The following HTR1F variants were observed in gnomAD, a reference collection of about 807,000 sequenced individuals.
HTR1F encodes 5-hydroxytryptamine (serotonin) receptor 1F, G protein-coupled.
In HTR1F, 17 loss-of-function variants were observed where a neutral mutation model predicts 24.0. The observed-to-expected ratio is 0.71, with a 90% CI of 0.48 to 1.06. The LOEUF (loss-of-function observed/expected upper bound fraction) is 1.06, where lower values mean the gene tolerates loss of function less well. Ranked by LOEUF, HTR1F falls within the 50% of genes least tolerant of loss-of-function variation. The probability of loss-of-function intolerance (pLI) is 0.00; values close to 1 mark genes in which losing one functional copy is unlikely to be tolerated. For synonymous variants in HTR1F, 186 were observed against 156.8 expected, an observed-to-expected ratio of 1.19 and a Z score of -1.39; for missense variants, 391 against 427.8, an observed-to-expected ratio of 0.91 and a Z score of 0.76.
intron 2 of HTR1F, among the ~76,000 whole-genome samples, chr3:87,874,381 C>G (rs1179928114): frequency 6.6e-6 from 1 of 152,014 alleles, no homozygotes. Context: ...AGAAAACAGT[C>G]CCACTTACCA....
chr3:87,884,044 A>C (rs1252699339), intron 2 of HTR1F, among the ~76,000 whole-genome samples: 1 of 152,304 alleles, frequency 6.6e-6, no homozygotes, highest in Admixed American at 6.5e-5. Flanking sequence ...CATAATTTTC[A>C]GATTCACCAA....
At chr3:87,954,253 C>T (rs1048412873) in intron 2 of HTR1F, among the ~76,000 whole-genome samples, 4 of 151,756 alleles carry the variant, frequency 2.6e-5, no homozygotes, top group Non-Finnish European at 5.9e-5. Context: ...TCCTAAATCA[C>T]TTGACTTGAT....
chr3:87,873,077 GATAC>G (rs1457844576), intron 2 of HTR1F, among the ~76,000 whole-genome samples: 2 of 147,786 alleles, frequency 1.4e-5, no homozygotes, highest in Non-Finnish European at 3.0e-5. Flanking sequence ...ACAATGGATG[GATAC>G]ATACATGCAT....
intron 2 of HTR1F, among the ~76,000 whole-genome samples, chr3:87,850,244 G>A (rs1705052462): frequency 6.6e-6 from 1 of 151,948 alleles, no homozygotes; most frequent in Admixed American, 6.6e-5. Flanking sequence ...CTAAGAAAAT[G>A]TGGCACATAT....
intron 1 of HTR1F, among the ~76,000 whole-genome samples, chr3:87,819,722 G>C (rs868440857): frequency 1.4e-4 from 21 of 151,870 alleles, no homozygotes; most frequent in Admixed American, 6.6e-4. Flanking sequence ...AATATATAAG[G>C]TTATAAAGTT....
intron 2 of HTR1F, among the ~76,000 whole-genome samples, chr3:87,989,549 C>T (rs1482676973): frequency 1.3e-5 from 2 of 152,136 alleles, no homozygotes; most frequent in African/African-American, 2.4e-5. Context: ...TAAGGATATA[C>T]TAATTTTTTT....
chr3:87,931,335 G>T (rs1486142089), intron 2 of HTR1F, among the ~76,000 whole-genome samples: 6 of 152,060 alleles, frequency 3.9e-5, no homozygotes, highest in Non-Finnish European at 7.3e-5. Context: ...TACTTAGAAT[G>T]ATGATTTCCA....
chr3:87,840,222 CTTGT>C (rs923506225), intron 2 of HTR1F, among the ~76,000 whole-genome samples: 2 of 151,984 alleles, frequency 1.3e-5, no homozygotes, highest in Admixed American at 1.3e-4. Flanking sequence ...TGCTTGTTGA[CTTGT>C]TTAAGACCCT....
At chr3:87,841,194 ATAAT>A in intron 2 of HTR1F, among the ~76,000 whole-genome samples, 1 of 152,042 alleles carries the variant, frequency 6.6e-6, no homozygotes, top group South Asian at 2.1e-4. Flanking sequence ...CCATAAATAT[ATAAT>A]TATTTATCAA....
intron 2 of HTR1F, among the ~76,000 whole-genome samples, chr3:87,892,544 T>A (rs1371805763): frequency 6.6e-6 from 1 of 152,170 alleles, no homozygotes; most frequent in African/African-American, 2.4e-5. Context: ...AGTTTTCTCA[T>A]CTTGAACAAG....
At chr3:87,827,253 C>T (rs759918787) in intron 2 of HTR1F, among the ~76,000 whole-genome samples, 9 of 151,960 alleles carry the variant, frequency 5.9e-5, no homozygotes, top group African/African-American at 1.2e-4. Flanking sequence ...CCCCTCTCCC[C>T]GCAACCCCCA....
intron 2 of HTR1F, among the ~76,000 whole-genome samples, chr3:87,875,491 T>A (rs1455588129): frequency 6.6e-6 from 1 of 151,392 alleles, no homozygotes; most frequent in Non-Finnish European, 1.5e-5. Context: ...AGCAAAGGTA[T>A]CAACCAACAG....
At chr3:87,952,310 T>C (rs1429832003) in intron 2 of HTR1F, among the ~76,000 whole-genome samples, 1 of 152,044 alleles carries the variant, frequency 6.6e-6, no homozygotes, top group African/African-American at 2.4e-5. Context: ...TTTTTATACC[T>C]GGGCTTATAG....
intron 2 of HTR1F, among the ~76,000 whole-genome samples, chr3:87,980,539 A>T (rs1209434238): frequency 6.6e-6 from 1 of 152,170 alleles, no homozygotes; most frequent in Non-Finnish European, 1.5e-5. Context: ...CTGGCTATGG[A>T]ACAGGCAGCC....
At chr3:87,806,781 C>T (rs1704080782) in intron 1 of HTR1F, among the ~76,000 whole-genome samples, 1 of 152,032 alleles carries the variant, frequency 6.6e-6, no homozygotes, top group Admixed American at 6.6e-5. Flanking sequence ...TTGAATCTTA[C>T]ATTTAAGTCT....
intron 2 of HTR1F, among the ~76,000 whole-genome samples, chr3:87,916,844 T>C (rs906397468): frequency 2.0e-4 from 31 of 152,112 alleles, no homozygotes; most frequent in African/African-American, 7.0e-4. Context: ...GTATTTAAAC[T>C]ATACCCTGGA....
intron 2 of HTR1F, among the ~76,000 whole-genome samples, chr3:87,917,073 T>G (rs1340687754): frequency 6.6e-6 from 1 of 151,978 alleles, no homozygotes; most frequent in African/African-American, 2.4e-5. Flanking sequence ...TCCAAAACCA[T>G]GCAAATACAT....
At chr3:87,965,405 A>G (rs184061622) in intron 2 of HTR1F, among the ~76,000 whole-genome samples, 1 of 152,174 alleles carries the variant, frequency 6.6e-6, no homozygotes, top group African/African-American at 2.4e-5. Flanking sequence ...TACTTTTCAT[A>G]TATATTGCAA....
chr3:87,890,703 A>G (rs1706060835), intron 2 of HTR1F, among the ~76,000 whole-genome samples: 1 of 152,186 alleles, frequency 6.6e-6, no homozygotes, highest in South Asian at 2.1e-4. Context: ...CACTGATATT[A>G]TGGGATGAGA....
Sources: gnomAD v4.1 joint callset for allele counts (sites outside exome capture counted in the v4.1 genomes callset) on GRCh38, gnomAD v4.1.1 for gene constraint, MANE v1.5 for transcripts, NCBI Gene and HGNC (gene_info 2026-07-23, HGNC 2026-07-21) for gene names.